Variants in PTPRN2 observed in about 807,000 individuals in gnomAD.
PTPRN2 encodes the protein receptor-type tyrosine-protein phosphatase N2.
In PTPRN2, 74 loss-of-function variants were observed where a neutral mutation model predicts 118.8. That is an observed-to-expected ratio of 0.62 (90% confidence interval 0.52 to 0.76). The LOEUF (loss-of-function observed/expected upper bound fraction) is 0.76, where lower values mean the gene tolerates loss of function less well. Among genes scored for constraint, PTPRN2 ranks in the 30% least tolerant of loss-of-function variants. PTPRN2 has a pLI of 0.00. For missense variants in PTPRN2, 1,481 were observed against 1,394.4 expected (o/e 1.06, Z -0.99); for synonymous variants, 641 against 608.0 (o/e 1.05, Z -0.80).
chr7:158,417,271 T>A (rs1173918744), intron 2 of PTPRN2, among the ~76,000 whole-genome samples: 1 of 151,958 alleles, frequency 6.6e-6, no homozygotes, highest in Admixed American at 6.6e-5. Flanking sequence ...GTGTACTACA[T>A]CGAGATGCTG....
chr7:158,441,937 AGTG>A (rs750998739), intron 2 of PTPRN2, among the ~76,000 whole-genome samples: 9 of 20,988 alleles, frequency 4.3e-4, no homozygotes, highest in African/African-American at 1.1e-3. Flanking sequence ...TGGTCATGGC[AGTG>A]GTGGTGGTGA....
chr7:157,560,769 T>C lies in PTPRN2; in HGVS notation c.2902+8133A>G, dbSNP rs184321385. Among the ~76,000 whole-genome samples, 2 of 152,318 alleles carry C rather than the reference T, an allele frequency of 1.3e-5. No homozygotes were observed. The highest frequency in any genetic ancestry group is 2.9e-5 in the Non-Finnish European group (2 of 68,018). ...GCACTTTTTCAGCCTGAAACTTGCC[T>C]GAGCGAGACAAGAGACACTGCGGGC... On this transcript the variant is annotated intron_variant, in intron 21 of 22. Coordinates refer to ENST00000389418, the MANE Select transcript of PTPRN2 (RefSeq NM_002847.5). This position sits in a 1 kb window ranked among gnomAD's most constrained non-coding sequence, Gnocchi z 6.7.
chr7:158,218,910 C>T (rs188354167), intron 3 of PTPRN2, among the ~76,000 whole-genome samples: 132 of 152,292 alleles, frequency 8.7e-4, no homozygotes, highest in Admixed American at 2.4e-3. Context: ...ATGCACCCAA[C>T]ATTGGGGCAC....
chr7:157,680,702 C>T (rs1021057708), intron 13 of PTPRN2, among the ~76,000 whole-genome samples: 10 of 152,204 alleles, frequency 6.6e-5, no homozygotes, highest in Non-Finnish European at 1.5e-4. Context: ...CAAAGTACTT[C>T]CCTAAAGGGC....
chr7:158,458,606 G>C (rs983314398), intron 2 of PTPRN2, among the ~76,000 whole-genome samples: 11 of 152,094 alleles, frequency 7.2e-5, no homozygotes, highest in Admixed American at 7.2e-4. Flanking sequence ...CCTCTCGTGC[G>C]GTCTCCCAAC....
chr7:158,144,923 C>T (rs968915974), intron 6 of PTPRN2, among the ~76,000 whole-genome samples: 3 of 151,784 alleles, frequency 2.0e-5, no homozygotes, highest in Non-Finnish European at 2.9e-5. Flanking sequence ...CAGCAAGCCA[C>T]GTCTCCAGAA....
At chr7:157,549,847 A>G (rs111420968) in intron 21 of PTPRN2, among the ~76,000 whole-genome samples, 1 of 152,208 alleles carries the variant, frequency 6.6e-6, no homozygotes, top group Non-Finnish European at 1.5e-5. Flanking sequence ...GCAGCTCCGA[A>G]GCGGGTCAGA....
intron 9 of PTPRN2, among the ~76,000 whole-genome samples, chr7:158,131,414 A>T (rs1818271833): frequency 1.0e-5 from 1 of 97,462 alleles, no homozygotes; most frequent in Non-Finnish European, 1.9e-5. Flanking sequence ...ACCAATACAC[A>T]TCTACCCAAC....
At chr7:157,928,737 A>G (rs892724) in intron 11 of PTPRN2, among the ~76,000 whole-genome samples, 30,517 of 125,134 alleles carry the variant, frequency 0.24, 5,379 homozygotes, top group African/African-American at 0.45. Flanking sequence ...CAGAGGGTGG[A>G]AGATGAGAGG....
chr7:158,149,244 T>C (rs949054374), intron 6 of PTPRN2, among the ~76,000 whole-genome samples: 2 of 152,078 alleles, frequency 1.3e-5, no homozygotes, highest in East Asian at 1.9e-4. Context: ...GCACCAATTA[T>C]AGTACAGGGA....
At chr7:158,275,433 C>A (rs1247923377) in intron 3 of PTPRN2, among the ~76,000 whole-genome samples, 1 of 152,148 alleles carries the variant, frequency 6.6e-6, no homozygotes, top group Non-Finnish European at 1.5e-5. Flanking sequence ...AAAGAGCCTA[C>A]CCAGCAAATT....
intron 10 of PTPRN2, among the ~76,000 whole-genome samples, chr7:158,110,453 G>A (rs1816139913): frequency 6.6e-6 from 1 of 152,218 alleles, no homozygotes; most frequent in South Asian, 2.1e-4. Flanking sequence ...CTGACAGCCA[G>A]GGACAGGGCC....
intron 11 of PTPRN2, among the ~76,000 whole-genome samples, chr7:157,911,564 C>G (rs1397601668): frequency 6.6e-6 from 1 of 151,962 alleles, no homozygotes; most frequent in African/African-American, 2.4e-5. Context: ...TATTTATATT[C>G]CATTAAATAT....
chr7:158,452,101 T>G (rs1818128511), intron 2 of PTPRN2, among the ~76,000 whole-genome samples: 1 of 152,170 alleles, frequency 6.6e-6, no homozygotes, highest in South Asian at 2.1e-4. Flanking sequence ...TTTCTAGACT[T>G]TCTATTCTTT....
intron 12 of PTPRN2, among the ~76,000 whole-genome samples, chr7:157,716,966 A>G (rs112316138): frequency 1.2e-5 from 1 of 81,936 alleles, no homozygotes; most frequent in Non-Finnish European, 2.3e-5. Context: ...CTGCCTGGCC[A>G]CGTAGACTCT....
intron 11 of PTPRN2, among the ~76,000 whole-genome samples, chr7:157,988,787 C>T (rs1487343009): frequency 6.6e-6 from 1 of 152,240 alleles, no homozygotes; most frequent in African/African-American, 2.4e-5. Context: ...TGCAGAATGT[C>T]AGTGCTGGGC....
intron 6 of PTPRN2, among the ~76,000 whole-genome samples, chr7:158,139,204 G>T (rs1354091120): frequency 6.6e-6 from 1 of 152,176 alleles, no homozygotes; most frequent in Admixed American, 6.5e-5. Context: ...TTAGAGCGAG[G>T]AGACAAGGCC....
chr7:157,541,277 CT>C (rs1798001543), intron 22 of PTPRN2, among the ~76,000 whole-genome samples: 2 of 152,240 alleles, frequency 1.3e-5, no homozygotes, highest in South Asian at 4.1e-4. Context: ...GTTATCATCG[CT>C]TTTGAAATCC....
intron 2 of PTPRN2, among the ~76,000 whole-genome samples, chr7:158,472,384 A>G (rs1819923842): frequency 6.6e-6 from 1 of 152,234 alleles, no homozygotes; most frequent in Admixed American, 6.5e-5. Context: ...CTGTTAAATG[A>G]GAACAAAAAT....
Sources: gnomAD v4.1 joint callset for allele counts (sites outside exome capture counted in the v4.1 genomes callset) on GRCh38, gnomAD v4.1.1 for gene constraint, Gnocchi (gnomAD v3.1) non-coding constraint, MANE v1.5 for transcripts, NCBI Gene and HGNC (gene_info 2026-07-23, HGNC 2026-07-21) for gene names.